KCNQ2: variants seen among roughly 807,000 people sequenced by gnomAD.
KCNQ2 encodes the protein potassium voltage-gated channel subfamily Q member 2, also known as potassium voltage-gated channel subfamily KQT member 2.
In KCNQ2, 14 loss-of-function variants were observed where a neutral mutation model predicts 84.8. The ratio of observed to expected loss-of-function variants is 0.17; its 90% CI spans 0.11 to 0.26. The LOEUF (loss-of-function observed/expected upper bound fraction) is 0.26. Among genes scored for constraint, KCNQ2 ranks in the 10% least tolerant of loss-of-function variants. KCNQ2 has a pLI of 1.00. For missense variants in KCNQ2, 788 were observed against 1,254.0 expected (o/e 0.63, Z 5.61); for synonymous variants, 599 against 554.1 (o/e 1.08, Z -1.14).
chr20:63,457,898 C>T lies in KCNQ2; in HGVS notation c.297-11061G>A, dbSNP rs999874632. Among the ~76,000 whole-genome samples, 3 of 152,190 alleles carry T rather than the reference C, an allele frequency of 2.0e-5. No individual in the cohort carries two copies. The East Asian group carries it at 5.8e-4, about 29-fold the overall frequency. On this transcript the variant is annotated intron_variant, in intron 1 of 16. Coordinates refer to ENST00000359125, the MANE Select transcript of KCNQ2 (RefSeq NM_172107.4). ...TCAGCACGTGGTTAAATCAGCTCCC[C>T]GGGCACTGCCTCGTGACTTCGCAGC...
In KCNQ2 at chr20:63,414,888, T is replaced by C. The variant is rs751304217; in HGVS notation, c.1525+15A>G. On this transcript the variant is annotated intron_variant, in intron 13 of 16. Coordinates refer to ENST00000359125, the MANE Select transcript of KCNQ2 (RefSeq NM_172107.4). This position sits in a 1 kb window ranked among gnomAD's most constrained non-coding sequence, Gnocchi z 6.6. ...CCGGAGAGGATGGACCAGGAGAGGA[T>C]GCGGCCACACCCACCTTCTGAGTTC... 9.9e-6 allele frequency: 16 copies of C among 1,610,600 alleles called. No homozygotes were observed. The African/African-American group carries it at 2.0e-4, about 20-fold the overall frequency.
Position 63,446,970 on chromosome 20 carries a change from G to T in KCNQ2, c.297-133C>A. 1 of 795,360 alleles carries T rather than the reference G, an allele frequency of 1.3e-6. No individual in the cohort carries two copies. The highest frequency in any genetic ancestry group is 2.2e-6 in the Non-Finnish European group (1 of 463,594). 49.3% of individuals were successfully genotyped at this position (795,360 alleles called of 1,614,324 possible). On this transcript the variant is annotated intron_variant, in intron 1 of 16. Coordinates refer to ENST00000359125, the MANE Select transcript of KCNQ2 (RefSeq NM_172107.4). The surrounding 1 kb of genome is among the most constrained non-coding windows in gnomAD (Gnocchi z 5.5). ...AGCATGGCCGCGTCTCCAGAACGCA[G>T]GACCCCACTCCCCACCCACCCCACC...
intron 10 of KCNQ2, 147 bp downstream of exon 10, chr20:63,428,220 G>A (rs766483486): frequency 4.5e-5 from 30 of 670,740 alleles, no homozygotes; most frequent in Admixed American, 3.0e-4. Context: ...AAAAGAGAAA[G>A]CACCACCATC....
At chr20:63,468,539 T>C (rs1329740490) in intron 1 of KCNQ2, among the ~76,000 whole-genome samples, 1 of 152,136 alleles carries the variant, frequency 6.6e-6, no homozygotes, top group Non-Finnish European at 1.5e-5. Flanking sequence ...ACCACCCGAG[T>C]TCTCCAGGAC....
At chr20:63,459,395 C>T (rs1194409501) in intron 1 of KCNQ2, 1 of 152,122 alleles carries the variant, frequency 6.6e-6, no homozygotes, top group African/African-American at 2.4e-5. Context: ...ACCTGCAGTC[C>T]CAGCGACTCG....
At chr20:63,450,007 C>T (rs1430222705) in intron 1 of KCNQ2, among the ~76,000 whole-genome samples, 2 of 152,140 alleles carry the variant, frequency 1.3e-5, no homozygotes, top group Non-Finnish European at 2.9e-5. Flanking sequence ...GCACACAACC[C>T]TGCGCTGCCT....
At chr20:63,462,593 G>A (rs1170265562) in intron 1 of KCNQ2, among the ~76,000 whole-genome samples, 1 of 152,234 alleles carries the variant, frequency 6.6e-6, no homozygotes, top group Non-Finnish European at 1.5e-5. Flanking sequence ...GGAAAAGTGA[G>A]TGTTAAACTT....
intron 12 of KCNQ2, among the ~76,000 whole-genome samples, chr20:63,415,429 C>T (rs1318389804): frequency 1.7e-5 from 1 of 57,892 alleles, no homozygotes; most frequent in African/African-American, 6.9e-5. Context: ...GAGCACCCGG[C>T]GGGAGGGAGG....
intron 1 of KCNQ2, among the ~76,000 whole-genome samples, chr20:63,468,445 A>G (rs771421019): frequency 3.3e-5 from 5 of 152,134 alleles, no homozygotes; most frequent in Admixed American, 2.6e-4. Flanking sequence ...GCGCCTGCCC[A>G]CCCCAGCCAG....
intron 12 of KCNQ2, among the ~76,000 whole-genome samples, chr20:63,415,902 A>G (rs2080282464): frequency 2.0e-5 from 3 of 151,650 alleles, no homozygotes; most frequent in Admixed American, 2.0e-4. Context: ...TCTGCCCCAG[A>G]GTCGAGGGGC....
At chr20:63,443,280 C>T (rs1480290340) in intron 4 of KCNQ2, among the ~76,000 whole-genome samples, 1 of 57,180 alleles carries the variant, frequency 1.7e-5, no homozygotes, top group East Asian at 4.7e-4. Flanking sequence ...ACCACCATCA[C>T]CATCACCATC....
rs867363332 is a variant in KCNQ2 at position 63,408,240 on chromosome 20, G to T, written c.1887+173C>A. On this transcript the variant is annotated intron_variant, in intron 16 of 16. Coordinates refer to ENST00000359125, the MANE Select transcript of KCNQ2 (RefSeq NM_172107.4). The surrounding 1 kb of genome is among the most constrained non-coding windows in gnomAD (Gnocchi z 5.0). Reference sequence around the variant, plus strand: ...CCCAGGCCGGGGGTGGGAGGCTCACGGTGGGGTGTGAGGGGTCTGCACAGA... The same window carrying T: ...CCCAGGCCGGGGGTGGGAGGCTCACTGTGGGGTGTGAGGGGTCTGCACAGA... 1.5e-5 allele frequency: 12 copies of T among 820,144 alleles called. No individual in the cohort carries two copies. Among genetic ancestry groups the T allele is most frequent in the Non-Finnish European group, 2.1e-5 (11 of 528,924 alleles). 50.8% of individuals were successfully genotyped at this position (820,144 alleles called of 1,614,324 possible). A position where few individuals can be genotyped will look rare whatever the true frequency, so the allele number is the denominator to read the frequency against.
intron 5 of KCNQ2, 132 bp from the exon 6 acceptor site, chr20:63,439,840 A>T: frequency 1.4e-6 from 1 of 722,324 alleles, no homozygotes; most frequent in East Asian, 2.7e-5. Context: ...ATCCACACGG[A>T]GGCCCAGTGA....
rs746079131 is a variant in KCNQ2 at position 63,408,507 on chromosome 20, G to A, written c.1793C>T (p.Ala598Val). ...RVDQIVGRGPAITDKDRTKGP... is the reference protein window; with the variant it reads ...RVDQIVGRGPVITDKDRTKGP... The stretch of plus-strand genomic sequence containing the variant: ...CTTGGTGCGGTCCTTGTCCGTGATC[G>A]CTGGGCCCCGCCCCACGATCTGGTC... Residue 598 changes from alanine (A) to valine (V), a missense_variant, in exon 16 of 17, where the codon GCG (alanine) becomes GTG (valine). Physicochemically the swap from Ala to Val is moderately conservative, Grantham distance 64. Around this residue, in one of 8 missense-constraint regions of KCNQ2, gnomAD observed 378 missense variants for 434.5 expected, o/e 0.87. Coordinates refer to ENST00000359125, the MANE Select transcript of KCNQ2 (RefSeq NM_172107.4). The surrounding 1 kb of genome is among the most constrained non-coding windows in gnomAD (Gnocchi z 5.0). The A allele has an allele frequency of 6.2e-6, 10 of 1,609,550 alleles. No individual in the cohort carries two copies. The highest frequency in any genetic ancestry group is 2.2e-5 in the East Asian group (1 of 44,778).
chr20:63,406,728 G>C lies in KCNQ2; in HGVS notation c.2535C>G (p.Leu845=), dbSNP rs199621855. ...GTGGCGGGGGCCCGCACGGGGTACAGAGGTCGGAGTCGGTGTCTGACTCTC... is the reference window on the plus strand; with the variant it reads ...GTGGCGGGGGCCCGCACGGGGTACACAGGTCGGAGTCGGTGTCTGACTCTC... The part of the protein sequence containing the change: ...AEGESDTDSD[L]CTPCGPPPRS... Residue 845 remains leucine (L), a synonymous_variant, in exon 17 of 17, where the codon CTC becomes CTG. Coordinates refer to ENST00000359125, the MANE Select transcript of KCNQ2 (RefSeq NM_172107.4). The C allele has an allele frequency of 6.0e-5, 96 of 1,609,036 alleles. No individual in the cohort carries two copies. In the African/African-American group the frequency reaches 1.2e-3, roughly 19 times the overall value.
At chr20:63,463,919 C>T (rs2082018161) in intron 1 of KCNQ2, 1 of 152,042 alleles carries the variant, frequency 6.6e-6, no homozygotes, top group African/African-American at 2.4e-5. Flanking sequence ...TGCCACACCC[C>T]CAGGAGCTGC....
chr20:63,417,617 C>T (rs1018167046), intron 12 of KCNQ2, among the ~76,000 whole-genome samples: 3 of 152,254 alleles, frequency 2.0e-5, no homozygotes, highest in Admixed American at 6.5e-5. Context: ...CACCTGCGGC[C>T]CCGGAGGGGA....
rs369329706 is a variant in KCNQ2 at position 63,408,397 on chromosome 20, G to A, written c.1887+16C>T. The A allele has an allele frequency of 1.6e-5, 26 of 1,604,052 alleles. No individual in the cohort carries two copies. Among genetic ancestry groups the A allele is most frequent in the Middle Eastern group, 1.7e-4 (1 of 5,792 alleles). On this transcript the variant is annotated intron_variant, in intron 16 of 16. Transcript: ENST00000359125. This position sits in a 1 kb window ranked among gnomAD's most constrained non-coding sequence, Gnocchi z 5.0. ...AGCCCTCCAGCCCCGCACCCCTCCCGCCCAGCCTCTCGCACCTGCTTCTCC... is the reference window on the plus strand; with the variant it reads ...AGCCCTCCAGCCCCGCACCCCTCCCACCCAGCCTCTCGCACCTGCTTCTCC...
At chr20:63,468,293 C>T (rs898931002) in intron 1 of KCNQ2, among the ~76,000 whole-genome samples, 3 of 152,184 alleles carry the variant, frequency 2.0e-5, no homozygotes, top group African/African-American at 7.2e-5. Flanking sequence ...GTCTCTTTCT[C>T]GGCACACAAT....
Sources: allele counts gnomAD v4.1 joint callset (sites outside exome capture counted in the v4.1 genomes callset), GRCh38; gene constraint gnomAD v4.1.1; regional missense constraint gnomAD v4.1.1; non-coding constraint Gnocchi (gnomAD v3.1); transcripts MANE v1.5; gene names NCBI Gene and HGNC (gene_info 2026-07-23, HGNC 2026-07-21).